LIMD2: variants seen among roughly 807,000 people sequenced by gnomAD.
LIMD2 encodes the protein LIM domain containing 2.
LIMD2 carries 11 observed loss-of-function variants against 16.0 expected under a neutral mutation model. That is an observed-to-expected ratio of 0.69 (90% CI 0.43 to 1.14). The LOEUF (loss-of-function observed/expected upper bound fraction) is 1.14. Ranked by LOEUF, LIMD2 falls within the 50% of genes most tolerant of loss-of-function variation. LIMD2 has a pLI of 0.00. For synonymous variants in LIMD2, 60 were observed against 67.1 expected (o/e 0.89, Z 0.52); for missense variants, 168 against 165.8 (o/e 1.01, Z -0.07).
intron 2 of LIMD2, 85 bp downstream of exon 2, chr17:63,699,172 G>T: frequency 6.3e-7 from 1 of 1,588,602 alleles, no homozygotes; most frequent in Admixed American, 1.8e-5. Context: ...GGGCACAAAG[G>T]GGGCCGGCAA....
At position 63,697,304 on chromosome 17, in the gene LIMD2, C is replaced by G. The variant is rs964960887; in HGVS notation, c.*1248G>C. ...AGGGGTAATGATGAGGGGGGACAAT[C>G]CAGGGGTCACTAAAACCTTGGGCAG... On this transcript the variant is annotated 3_prime_UTR_variant, in exon 5 of 5. Transcript: ENST00000259006. 6.6e-6 allele frequency: 1 copy of G among 152,292 alleles called. No homozygotes were observed. Among genetic ancestry groups the G allele is most frequent in the Admixed American group, 6.5e-5 (1 of 15,280 alleles). 9.4% of individuals were successfully genotyped at this position (152,292 alleles called of 1,614,324 possible). A position where few individuals can be genotyped will look rare whatever the true frequency, so the allele number is the denominator to read the frequency against.
chr17:63,698,901 G>A lies in LIMD2; in HGVS notation c.122C>T (p.Ala41Val), dbSNP rs767177238. The change falls in exon 4 of 5, where the codon GCC becomes GTC. Residue 41 changes from alanine (A) to valine (V), a missense_variant. Coordinates refer to ENST00000259006, the MANE Select transcript of LIMD2 (RefSeq NM_030576.4). ...SLRAQVKETC[A>V]ACQKTVYPME... ...GGGGTACACGGTCTTCTGGCAGGCGGCGCAGGTCTCCTTCACCTGGGCCCG... is the reference window on the plus strand; with the variant it reads ...GGGGTACACGGTCTTCTGGCAGGCGACGCAGGTCTCCTTCACCTGGGCCCG... 2 of 1,612,818 alleles carry A rather than the reference G, an allele frequency of 1.2e-6. No homozygotes were observed. The highest frequency in any genetic ancestry group is 8.5e-7 in the Non-Finnish European group (1 of 1,179,940).
At position 63,698,317 on chromosome 17, in the gene LIMD2, A is replaced by G; in HGVS notation, c.*235T>C. The stretch of plus-strand genomic sequence containing the variant: ...GTGAGGTGGGGAGGGAGGCTGAACG[A>G]AGCAGGAAGCAGGGTGGTGGGCAGA... On this transcript the variant is annotated 3_prime_UTR_variant, in exon 5 of 5. Transcript: ENST00000259006. The G allele has an allele frequency of 1.7e-6, 1 of 582,424 alleles. No homozygotes were observed. The highest frequency in any genetic ancestry group is 3.0e-6 in the Non-Finnish European group (1 of 332,184). 36.1% of individuals were successfully genotyped at this position (582,424 alleles called of 1,614,324 possible). A position where few individuals can be genotyped will look rare whatever the true frequency, so the allele number is the denominator to read the frequency against.
chr17:63,697,416 C>G lies in LIMD2; in HGVS notation c.*1136G>C, dbSNP rs2035708752. 1 of 152,230 alleles carries G rather than the reference C, an allele frequency of 6.6e-6. No homozygotes were observed. Among genetic ancestry groups the G allele is most frequent in the African/African-American group, 2.4e-5 (1 of 41,428 alleles). 9.4% of individuals were successfully genotyped at this position (152,230 alleles called of 1,614,324 possible). On this transcript the variant is annotated 3_prime_UTR_variant, in exon 5 of 5. Coordinates refer to ENST00000259006, the MANE Select transcript of LIMD2 (RefSeq NM_030576.4). ...GGGAAGAAGGGAGGGAGCTAGACAG[C>G]TGGAACCAGCCAGGGAACGCGGCAG... is the stretch of plus-strand genomic sequence containing the variant.
In LIMD2 at chr17:63,699,059, C is replaced by A; in HGVS notation, c.53G>T (p.Gly18Val). 1.2e-6 allele frequency: 2 copies of A among 1,605,838 alleles called. No homozygotes were observed. ...GCGCTGCACCGTGCTGCTGCCGCCG[C>A]CTTTGGCGTCCTGAGGGAGAGGGGC... ...AQATPSHDAKGGGSSTVQRSK... is the reference protein window; with the variant it reads ...AQATPSHDAKVGGSSTVQRSK... Residue 18 changes from glycine (G) to valine (V), a missense_variant, in exon 3 of 5, where the codon GGC (glycine) becomes GTC (valine). Transcript: ENST00000259006.
intron 1 of LIMD2, 43 bp downstream of exon 1, chr17:63,699,989 C>G: frequency 1.0e-6 from 1 of 983,974 alleles, no homozygotes; most frequent in South Asian, 4.7e-5. Flanking sequence ...GCGCCTCTCC[C>G]GGTTCCGGAG....
chr17:63,698,667 G>A lies in LIMD2; in HGVS notation c.269C>T (p.Pro90Leu). The change falls in exon 5 of 5, where the codon CCC becomes CTC. Residue 90 changes from proline to leucine, a missense_variant. Transcript: ENST00000259006. Reference sequence around the variant, plus strand: ...GCTCTTAAACAGCTGCTGGAAGTGGGGTTTGCAGTAGAACTCCCCGTGCAG... The same window carrying A: ...GCTCTTAAACAGCTGCTGGAAGTGGAGTTTGCAGTAGAACTCCCCGTGCAG... ...AALHGEFYCK[P>L]HFQQLFKSKG... The A allele has an allele frequency of 6.2e-7, 1 of 1,613,788 alleles. No homozygotes were observed. Among genetic ancestry groups the A allele is most frequent in the Non-Finnish European group, 8.5e-7 (1 of 1,180,010 alleles).
chr17:63,698,681 C>T lies in LIMD2; in HGVS notation c.255G>A (p.Glu85=). 6.2e-7 allele frequency: 1 copy of T among 1,613,708 alleles called. No homozygotes were observed. Among genetic ancestry groups the T allele is most frequent in the Non-Finnish European group, 8.5e-7 (1 of 1,179,996 alleles). The change falls in exon 5 of 5, where the codon GAG becomes GAA. Residue 85 remains glutamate, a synonymous_variant. Transcript: ENST00000259006. ...GCTGGAAGTGGGGTTTGCAGTAGAA[C>T]TCCCCGTGCAGCGCGGCGTAGCTGC... is the stretch of plus-strand genomic sequence containing the variant. ...SLGSYAALHG[E]FYCKPHFQQL... is the part of the protein sequence containing the mutation.
rs889183466 is a variant in LIMD2 at position 63,696,546 on chromosome 17, T to A, written c.*2006A>T. On this transcript the variant is annotated 3_prime_UTR_variant, in exon 5 of 5. Transcript: ENST00000259006. ...CTGGGGTGGTCCCAACAGGGCTGAT[T>A]TACCAGGGTGGCACTGCTGGCCCTC... is the stretch of plus-strand genomic sequence containing the variant. 6.6e-6 allele frequency: 1 copy of A among 152,222 alleles called. No homozygotes were observed. The highest frequency in any genetic ancestry group is 1.5e-5 in the Non-Finnish European group (1 of 68,162). 9.4% of individuals were successfully genotyped at this position (152,222 alleles called of 1,614,324 possible).
At position 63,697,511 on chromosome 17, in the gene LIMD2, T is replaced by C. The variant is rs2035710160; in HGVS notation, c.*1041A>G. ...CCCACTGGCAGCCTGGCCCTCCCGC[T>C]CTCAGGCCTCTTCACAATGGGGTGC... On this transcript the variant is annotated 3_prime_UTR_variant, in exon 5 of 5. Coordinates refer to ENST00000259006, the MANE Select transcript of LIMD2 (RefSeq NM_030576.4). The C allele has an allele frequency of 6.6e-6, 1 of 152,164 alleles. No homozygotes were observed. Among genetic ancestry groups the C allele is most frequent in the Non-Finnish European group, 1.5e-5 (1 of 68,038 alleles). The allele number at this position is 152,164 out of a possible 1,614,324, so 9.4% of individuals were successfully genotyped here. A position where few individuals can be genotyped will look rare whatever the true frequency, so the allele number is the denominator to read the frequency against.
upstream of LIMD2, chr17:63,700,256 C>T (rs1387343459): frequency 5.8e-6 from 4 of 694,544 alleles, no homozygotes; most frequent in East Asian, 1.3e-4. The surrounding 1 kb of genome is among the most constrained non-coding windows in gnomAD (Gnocchi z 7.1). Context: ...GACCCCCCTC[C>T]GCGCTTTGTC....
chr17:63,698,722 C>T lies in LIMD2; in HGVS notation c.225-11G>A. The T allele has an allele frequency of 3.2e-6, 5 of 1,549,518 alleles. No individual in the cohort carries two copies. Among genetic ancestry groups the T allele is most frequent in the Non-Finnish European group, 4.4e-6 (5 of 1,142,188 alleles). ...GCGTAGCTGCCCAGGCTGCAGAAGC[C>T]AAACAACGGCGTCAGGTCAGGTCAG... On this transcript the variant is annotated splice_polypyrimidine_tract_variant and intron_variant, in intron 4 of 4. Transcript: ENST00000259006.
At chr17:63,700,851 A>G (rs1313778132), upstream of LIMD2, 3 of 151,962 alleles carry the variant, frequency 2.0e-5, no homozygotes, top group Admixed American at 2.0e-4. This position sits in a 1 kb window ranked among gnomAD's most constrained non-coding sequence, Gnocchi z 7.1. Flanking sequence ...CGCCTCTGCA[A>G]CCCTGCGACG....
In LIMD2 at chr17:63,700,075, G is replaced by A. The variant is rs2143680269; in HGVS notation, c.-94C>T. The A allele has an allele frequency of 3.0e-6, 3 of 984,506 alleles. No individual in the cohort carries two copies. Among genetic ancestry groups the A allele is most frequent in the East Asian group, 1.1e-4 (1 of 8,710 alleles). 61.0% of individuals were successfully genotyped at this position (984,506 alleles called of 1,614,324 possible). Reference sequence around the variant, plus strand: ...CGGGGCGGGATCGGTCTCCGGGGGCGCACGGGTACGAGGAGGGCGCGGGCG... The same window carrying A: ...CGGGGCGGGATCGGTCTCCGGGGGCACACGGGTACGAGGAGGGCGCGGGCG... On this transcript the variant is annotated 5_prime_UTR_variant, in exon 1 of 5. Coordinates refer to ENST00000259006, the MANE Select transcript of LIMD2 (RefSeq NM_030576.4). This position sits in a 1 kb window ranked among gnomAD's most constrained non-coding sequence, Gnocchi z 7.1.
At position 63,697,486 on chromosome 17, in the gene LIMD2, C is replaced by T. The variant is rs958893213; in HGVS notation, c.*1066G>A. On this transcript the variant is annotated 3_prime_UTR_variant, in exon 5 of 5. Coordinates refer to ENST00000259006, the MANE Select transcript of LIMD2 (RefSeq NM_030576.4). ...AGTGCAGCGAGGACAGGCGCCATCACCCACTGGCAGCCTGGCCCTCCCGCT... is the reference window on the plus strand; with the variant it reads ...AGTGCAGCGAGGACAGGCGCCATCATCCACTGGCAGCCTGGCCCTCCCGCT... 2 of 152,278 alleles carry T rather than the reference C, an allele frequency of 1.3e-5. No individual in the cohort carries two copies. The highest frequency in any genetic ancestry group is 1.5e-5 in the Non-Finnish European group (1 of 68,076). 9.4% of individuals were successfully genotyped at this position (152,278 alleles called of 1,614,324 possible). A position where few individuals can be genotyped will look rare whatever the true frequency, so the allele number is the denominator to read the frequency against.
Position 63,698,458 on chromosome 17 carries a change from C to A in LIMD2, c.*94G>T. 7.0e-7 allele frequency: 1 copy of A among 1,430,352 alleles called. No homozygotes were observed. The highest frequency in any genetic ancestry group is 9.4e-7 in the Non-Finnish European group (1 of 1,059,716). The allele number at this position is 1,430,352 out of a possible 1,614,324, so 88.6% of individuals were successfully genotyped here. On this transcript the variant is annotated 3_prime_UTR_variant, in exon 5 of 5. Transcript: ENST00000259006. Reference sequence around the variant, plus strand: ...CTGAGCAAGCCTCATCCCCTTCCCACCTGGCCCCCACGCAAGCCCAGCTCG... The same window carrying A: ...CTGAGCAAGCCTCATCCCCTTCCCAACTGGCCCCCACGCAAGCCCAGCTCG...
Position 63,697,241 on chromosome 17 carries a change from G to C in LIMD2, c.*1311C>G, listed in dbSNP as rs554966527. On this transcript the variant is annotated 3_prime_UTR_variant, in exon 5 of 5. Transcript: ENST00000259006. ...AGACAGTAGCTGTGACTGCACCTCCGCAGAGCTTGAAAAGGCAAGGGGATG... is the reference window on the plus strand; with the variant it reads ...AGACAGTAGCTGTGACTGCACCTCCCCAGAGCTTGAAAAGGCAAGGGGATG... The C allele has an allele frequency of 6.6e-6, 1 of 152,290 alleles. No homozygotes were observed. The highest frequency in any genetic ancestry group is 2.4e-5 in the African/African-American group (1 of 41,446). 9.4% of individuals were successfully genotyped at this position (152,290 alleles called of 1,614,324 possible).
chr17:63,699,772 T>TCGCCC, intron 1 of LIMD2: 1 of 329,574 alleles, frequency 3.0e-6, no homozygotes. Context: ...GCGCCCGAGG[T>TCGCCC]CCCCGCCCGC....
In LIMD2 at chr17:63,697,507, C is replaced by G. The variant is rs949859644; in HGVS notation, c.*1045G>C. On this transcript the variant is annotated 3_prime_UTR_variant, in exon 5 of 5. Coordinates refer to ENST00000259006, the MANE Select transcript of LIMD2 (RefSeq NM_030576.4). ...ATCACCCACTGGCAGCCTGGCCCTC[C>G]CGCTCTCAGGCCTCTTCACAATGGG... 1 of 152,144 alleles carries G rather than the reference C, an allele frequency of 6.6e-6. No individual in the cohort carries two copies. The highest frequency in any genetic ancestry group is 6.5e-5 in the Admixed American group (1 of 15,276). The allele number at this position is 152,144 out of a possible 1,614,324, so 9.4% of individuals were successfully genotyped here.
Sources: allele counts gnomAD v4.1 joint callset, GRCh38; gene constraint gnomAD v4.1.1; non-coding constraint Gnocchi (gnomAD v3.1); transcripts MANE v1.5; gene names NCBI Gene and HGNC (gene_info 2026-07-23, HGNC 2026-07-21).